The following KHNYN variants were observed in gnomAD, a reference collection of about 807,000 sequenced individuals.
KHNYN encodes the protein KH and NYN domain containing, also known as protein KHNYN.
In KHNYN, 42 loss-of-function variants were observed where a neutral mutation model predicts 62.7. The observed-to-expected ratio is 0.67, with a 90% CI of 0.52 to 0.87. The LOEUF (loss-of-function observed/expected upper bound fraction) is 0.87. Ranked by LOEUF, KHNYN falls within the 40% of genes least tolerant of loss-of-function variation. KHNYN has a pLI of 0.00. For missense variants in KHNYN, 829 were observed against 874.1 expected, an observed-to-expected ratio of 0.95 and a Z score of 0.65; for synonymous variants, 347 against 345.6, an observed-to-expected ratio of 1.00 and a Z score of -0.04.
At position 24,432,411 on chromosome 14, in the gene KHNYN, G is replaced by T. The variant is rs1378344545; in HGVS notation, c.1150G>T (p.Asp384Tyr). The T allele has an allele frequency of 1.9e-6, 3 of 1,613,570 alleles. No individual in the cohort carries two copies. Among genetic ancestry groups the T allele is most frequent in the Non-Finnish European group, 2.5e-6 (3 of 1,179,856 alleles). The change falls in exon 3 of 8, where the codon GAC (aspartate) becomes TAC (tyrosine). Residue 384 changes from aspartate (D) to tyrosine (Y), a missense_variant. Asp to Tyr is a radical substitution (Grantham distance 160). Transcript: ENST00000553935. This position sits in a 1 kb window ranked among gnomAD's most constrained non-coding sequence, Gnocchi z 5.6. ...CTGCGGAGACCGGGGAGACGTGGGG[G>T]ACAGGGGAGACAAGCAGCAGGGCAT... The part of the protein sequence containing the change: ...GDCGDRGDVG[D>Y]RGDKQQGMAR...
rs750653087 is a variant in KHNYN at position 24,441,771 on chromosome 14, C to T, written c.*4486C>T. ...TGGTCTCTAGGCGGCTGCCGATTAC[C>T]TCTTTTTGGAAGGTTTCATTCCATC... On this transcript the variant is annotated 3_prime_UTR_variant, in exon 8 of 8. Transcript: ENST00000553935. 3 of 1,604,442 alleles carry T rather than the reference C, an allele frequency of 1.9e-6. No homozygotes were observed. Among genetic ancestry groups the T allele is most frequent in the South Asian group, 2.2e-5 (2 of 89,226 alleles).
upstream of KHNYN, chr14:24,429,263 T>C (rs1361604427): frequency 2.8e-6 from 2 of 705,616 alleles, no homozygotes; most frequent in South Asian, 1.5e-5. Flanking sequence ...TGGCAGAGCA[T>C]GCAGTGACAG....
chr14:24,433,079 A>G (rs752745170), intron 5 of KHNYN, 47 bp downstream of exon 5: 19 of 1,525,010 alleles, frequency 1.2e-5, no homozygotes, highest in African/African-American at 8.2e-5. Context: ...AAGGAGCCCT[A>G]TGGAAGACTG....
intron 7 of KHNYN, 55 bp downstream of exon 7, chr14:24,436,544 G>GAGAGGGC: frequency 7.5e-7 from 1 of 1,326,138 alleles, no homozygotes; most frequent in Non-Finnish European, 1.1e-6. Context: ...CCCTCTCTCA[G>GAGAGGGC]CAGGCCCAGA....
chr14:24,429,186 T>TA, upstream of KHNYN: 5 of 903,482 alleles, frequency 5.5e-6, no homozygotes, highest in Non-Finnish European at 8.3e-6. Flanking sequence ...CCCCTCTCCA[T>TA]ACCTGTGTCC....
chr14:24,437,296 C>CT lies in KHNYN; in HGVS notation c.*13dup. ...AGTCTTAACTTTTGAGCCTCACCTG[C>CT]TTGAGTGGCTGCCGCCCTGTCAGCT... On this transcript the variant is annotated 3_prime_UTR_variant, in exon 8 of 8. Coordinates refer to ENST00000553935, the MANE Select transcript of KHNYN (RefSeq NM_015299.3). This position sits in a 1 kb window ranked among gnomAD's most constrained non-coding sequence, Gnocchi z 5.5. 1 of 1,603,408 alleles carries CT rather than the reference C, an allele frequency of 6.2e-7. No homozygotes were observed. Among genetic ancestry groups the CT allele is most frequent in the Non-Finnish European group, 8.5e-7 (1 of 1,172,306 alleles).
At chr14:24,435,041 A>C (rs1352723095) in intron 5 of KHNYN, among the ~76,000 whole-genome samples, 1 of 152,132 alleles carries the variant, frequency 6.6e-6, no homozygotes, top group African/African-American at 2.4e-5. Context: ...TCTGTTTCTA[A>C]ATCTGTTAAA....
chr14:24,438,403 G>T lies in KHNYN; in HGVS notation c.*1118G>T, dbSNP rs2043241401. On this transcript the variant is annotated 3_prime_UTR_variant, in exon 8 of 8. Transcript: ENST00000553935. ...GTTGCATAAAGCAAGGCACACTTCT[G>T]CTTTATGTGTGTGTGTATGGGGATG... The T allele has an allele frequency of 6.6e-6, 1 of 152,594 alleles. No homozygotes were observed. Among genetic ancestry groups the T allele is most frequent in the African/African-American group, 2.4e-5 (1 of 41,440 alleles). The allele number at this position is 152,594 out of a possible 1,614,324, so 9.5% of individuals were successfully genotyped here.
intron 5 of KHNYN, chr14:24,435,695 T>TG: frequency 3.9e-6 from 1 of 257,030 alleles, no homozygotes; most frequent in Non-Finnish European, 7.5e-6. Context: ...TGAAGGACTA[T>TG]GGTTGGCAGA....
In KHNYN at chr14:24,430,803, C is replaced by A. The variant is rs1566495817; in HGVS notation, c.73C>A (p.Arg25=). The A allele has an allele frequency of 6.2e-7, 1 of 1,610,352 alleles. No homozygotes were observed. Among genetic ancestry groups the A allele is most frequent in the East Asian group, 2.2e-5 (1 of 44,650 alleles). ...GTCTGCGGAGGCTGAGAACAAGGTT[C>A]GGGAACAGCAGCCCCATGTGGAGCG... ...AVSAEAENKV[R]EQQPHVERIF... The change falls in exon 2 of 8, where the codon CGG becomes AGG. Residue 25 remains arginine (R), a synonymous_variant. Coordinates refer to ENST00000553935, the MANE Select transcript of KHNYN (RefSeq NM_015299.3).
At position 24,441,283 on chromosome 14, in the gene KHNYN, G is replaced by A; in HGVS notation, c.*3998G>A. On this transcript the variant is annotated 3_prime_UTR_variant, in exon 8 of 8. Transcript: ENST00000553935. ...TCACATCTTTAAAATGGGAATAATA[G>A]TACCTACCTCATAGGGTTGTTGTAA... 1 of 450,234 alleles carries A rather than the reference G, an allele frequency of 2.2e-6. No homozygotes were observed. Among genetic ancestry groups the A allele is most frequent in the East Asian group, 4.8e-5 (1 of 20,926 alleles). 27.9% of individuals were successfully genotyped at this position (450,234 alleles called of 1,614,324 possible).
Position 24,441,058 on chromosome 14 carries a change from A to T in KHNYN, c.*3773A>T. The T allele has an allele frequency of 2.0e-6, 2 of 1,017,244 alleles. No homozygotes were observed. Among genetic ancestry groups the T allele is most frequent in the Non-Finnish European group, 3.0e-6 (2 of 661,004 alleles). 63.0% of individuals were successfully genotyped at this position (1,017,244 alleles called of 1,614,324 possible). On this transcript the variant is annotated 3_prime_UTR_variant, in exon 8 of 8. Transcript: ENST00000553935. ...CATTTGGAGACAGAGCCATTTGGATATTTTCCCCTTGAACTTCTCCATGAC... is the reference window on the plus strand; with the variant it reads ...CATTTGGAGACAGAGCCATTTGGATTTTTTCCCCTTGAACTTCTCCATGAC...
At chr14:24,429,292 GA>G (rs2043061256), upstream of KHNYN, 1 of 695,934 alleles carries the variant, frequency 1.4e-6, no homozygotes, top group African/African-American at 1.8e-5. Context: ...CTTTGGGAGA[GA>G]AAGGAGGGAT....
chr14:24,430,376 G>C (rs2043084074), intron 1 of KHNYN: 2 of 987,596 alleles, frequency 2.0e-6, no homozygotes, highest in Admixed American at 9.8e-5. Flanking sequence ...CTGAGGATTC[G>C]TCCTTAAGAA....
At chr14:24,429,245 CT>C, upstream of KHNYN, 1 of 706,882 alleles carries the variant, frequency 1.4e-6, no homozygotes, top group Non-Finnish European at 2.4e-6. Context: ...CTGCAGTTCC[CT>C]CCTCCTTGGC....
At chr14:24,423,686 T>C in the KHNYN span, among the ~76,000 whole-genome samples, 1 of 152,172 alleles carries the variant, frequency 6.6e-6, no homozygotes, top group Non-Finnish European at 1.5e-5. Context: ...AGTTAGAGGA[T>C]TGAGGATTAT....
At chr14:24,429,504 A>C, upstream of KHNYN, 3 of 459,066 alleles carry the variant, frequency 6.5e-6, no homozygotes, top group Non-Finnish European at 1.3e-5. Flanking sequence ...TCTCTTCAAA[A>C]TCCCCCACAA....
In KHNYN at chr14:24,440,402, TG is replaced by T; in HGVS notation, c.*3119del. 6.2e-7 allele frequency: 1 copy of T among 1,613,806 alleles called. No homozygotes were observed. The highest frequency in any genetic ancestry group is 8.5e-7 in the Non-Finnish European group (1 of 1,179,812). ...CCCGATGTGTATCCAGGGGAAGAAT[TG>T]GTGGCCTGAGCCGATGGGGCCCCCC... On this transcript the variant is annotated 3_prime_UTR_variant, in exon 8 of 8. Transcript: ENST00000553935.
upstream of KHNYN, chr14:24,428,041 C>A: frequency 6.5e-7 from 1 of 1,546,956 alleles, no homozygotes. Context: ...TCAGGACCCC[C>A]CACTTTCCCA....
Sources: allele counts gnomAD v4.1 joint callset (sites outside exome capture counted in the v4.1 genomes callset), GRCh38; gene constraint gnomAD v4.1.1; non-coding constraint Gnocchi (gnomAD v3.1); transcripts MANE v1.5; gene names NCBI Gene and HGNC (gene_info 2026-07-23, HGNC 2026-07-21).